Variants in RANBP3 observed in about 807,000 individuals in gnomAD.
The protein encoded by RANBP3 is RAN binding protein 3.
Under a neutral mutation model 77.3 loss-of-function variants are expected in RANBP3, and 14 were observed. The ratio of observed to expected loss-of-function variants is 0.18; its 90% CI spans 0.12 to 0.28. The LOEUF is 0.28. Among genes scored for constraint, RANBP3 ranks in the 10% least tolerant of loss-of-function variants. The pLI is 1.00. For synonymous variants in RANBP3, 315 were observed against 312.4 expected, an observed-to-expected ratio of 1.01 and a Z score of -0.09; for missense variants, 586 against 752.3, an observed-to-expected ratio of 0.78 and a Z score of 2.59.
At chr19:5,938,821 G>A (rs2058098272) in intron 5 of RANBP3, among the ~76,000 whole-genome samples, 1 of 152,194 alleles carries the variant, frequency 6.6e-6, no homozygotes, top group Non-Finnish European at 1.5e-5. Flanking sequence ...TTACCTTTGG[G>A]ATGGCAGGGT....
At chr19:5,937,273 G>T (rs1307072877) in intron 5 of RANBP3, among the ~76,000 whole-genome samples, 1 of 152,014 alleles carries the variant, frequency 6.6e-6, no homozygotes, top group Non-Finnish European at 1.5e-5. Context: ...ACAGCACCCT[G>T]ATCGAGGAGC....
At chr19:5,969,230 C>A (rs1050168575) in intron 1 of RANBP3, among the ~76,000 whole-genome samples, 1 of 152,134 alleles carries the variant, frequency 6.6e-6, no homozygotes, top group Non-Finnish European at 1.5e-5. Flanking sequence ...CTCTTAGGAC[C>A]CAGTGGCCAT....
At chr19:5,931,305 A>G (rs899042298) in intron 8 of RANBP3, 99 bp downstream of exon 8, 20 of 1,409,176 alleles carry the variant, frequency 1.4e-5, no homozygotes, top group Non-Finnish European at 1.8e-5. Flanking sequence ...TGCTTGGAAC[A>G]GGTGACAGCG....
intron 12 of RANBP3, 124 bp downstream of exon 12, chr19:5,923,688 C>T: frequency 1.4e-6 from 1 of 714,610 alleles, no homozygotes; most frequent in Non-Finnish European, 2.4e-6. Flanking sequence ...AGCTGGTTCA[C>T]ATGTGGTTGT....
Position 5,958,654 on chromosome 19 carries a change from C to T in RANBP3, c.23-681G>A, listed in dbSNP as rs1472996017. 6.6e-6 allele frequency among the ~76,000 whole-genome samples: 1 copy of T among 152,242 alleles called. No homozygotes were observed. Among genetic ancestry groups the T allele is most frequent in the African/African-American group, 2.4e-5 (1 of 41,472 alleles). ...GGGCAGCCAGATCCACAGCCCTGTG[C>T]CACTCAGCCCCGGAGTGGGTGGCAG... On this transcript the variant is annotated intron_variant, in intron 1 of 16. Transcript: ENST00000340578. This position sits in a 1 kb window ranked among gnomAD's most constrained non-coding sequence, Gnocchi z 4.4.
At chr19:5,962,542 G>A (rs35941975) in intron 1 of RANBP3, among the ~76,000 whole-genome samples, 10,437 of 152,216 alleles carry the variant, frequency 0.069, 382 homozygotes, top group Non-Finnish European at 0.084. Context: ...AGGACCCAGG[G>A]AGCCATGGTC....
At chr19:5,954,337 A>C (rs1374517553) in intron 2 of RANBP3, among the ~76,000 whole-genome samples, 1 of 152,162 alleles carries the variant, frequency 6.6e-6, no homozygotes, top group Non-Finnish European at 1.5e-5. Flanking sequence ...GTGACATCTG[A>C]GGGGCAATTA....
At chr19:5,937,657 A>T (rs1342949610) in intron 5 of RANBP3, among the ~76,000 whole-genome samples, 3 of 152,202 alleles carry the variant, frequency 2.0e-5, no homozygotes, top group Non-Finnish European at 4.4e-5. Context: ...GCAGACAAGG[A>T]TGTGAAGTTG....
chr19:5,965,632 G>A (rs2058458493), intron 1 of RANBP3: 2 of 152,238 alleles, frequency 1.3e-5, no homozygotes, highest in African/African-American at 4.8e-5. Context: ...GCAAGGAAAG[G>A]AGAAAGCAAG....
At chr19:5,973,552 G>A (rs1189939916) in intron 1 of RANBP3, among the ~76,000 whole-genome samples, 1 of 152,204 alleles carries the variant, frequency 6.6e-6, no homozygotes, top group African/African-American at 2.4e-5. Context: ...GTAGTGCTCA[G>A]GCTGGGATCC....
chr19:5,974,694 C>A (rs1295069038), intron 1 of RANBP3, among the ~76,000 whole-genome samples: 1 of 152,076 alleles, frequency 6.6e-6, no homozygotes, highest in Non-Finnish European at 1.5e-5. Context: ...GCAGAGGACA[C>A]CTACCCTCTA....
chr19:5,941,571 G>C, intron 5 of RANBP3, 50 bp downstream of exon 5: 3 of 1,487,908 alleles, frequency 2.0e-6, no homozygotes, highest in Non-Finnish European at 2.8e-6. Context: ...GGGAATGGCG[G>C]GTTTGTAAGC....
chr19:5,951,858 C>T (rs886188467), intron 2 of RANBP3, among the ~76,000 whole-genome samples: 7 of 152,172 alleles, frequency 4.6e-5, no homozygotes, highest in Non-Finnish European at 7.4e-5. Flanking sequence ...GCAGGACCCT[C>T]GTTTCCAAAA....
chr19:5,978,019 G>A (rs778968115), intron 1 of RANBP3, 42 bp downstream of exon 1: 3 of 1,606,470 alleles, frequency 1.9e-6, no homozygotes, highest in Non-Finnish European at 2.5e-6. Flanking sequence ...CCCGCCGCCC[G>A]TTCCCCGGCC....
chr19:5,943,912 G>A (rs897109281), intron 3 of RANBP3, among the ~76,000 whole-genome samples: 1 of 152,192 alleles, frequency 6.6e-6, no homozygotes, highest in Non-Finnish European at 1.5e-5. Flanking sequence ...ACCAACTCCG[G>A]CCAGGCCAAA....
intron 3 of RANBP3, among the ~76,000 whole-genome samples, chr19:5,943,105 AT>A (rs2058160275): frequency 6.6e-6 from 1 of 152,216 alleles, no homozygotes; most frequent in Non-Finnish European, 1.5e-5. Context: ...CTGTCTCAGA[AT>A]TTAGCAGCCC....
In RANBP3 at chr19:5,958,102, CTT is replaced by C; in HGVS notation, c.23-131_23-130del. 4 of 833,630 alleles carry C rather than the reference CTT, an allele frequency of 4.8e-6. No individual in the cohort carries two copies. Among genetic ancestry groups the C allele is most frequent in the Non-Finnish European group, 7.6e-6 (4 of 528,812 alleles). 51.6% of individuals were successfully genotyped at this position (833,630 alleles called of 1,614,324 possible). A position where few individuals can be genotyped will look rare whatever the true frequency, so the allele number is the denominator to read the frequency against. ...AGTAACTCCAGAGAACATCAAATCACTTAGAACAGCGTCTTGACTCGGATGCC... is the reference window on the plus strand; with the variant it reads ...AGTAACTCCAGAGAACATCAAATCACAGAACAGCGTCTTGACTCGGATGCC... On this transcript the variant is annotated intron_variant, in intron 1 of 16. Transcript: ENST00000340578. The surrounding 1 kb of genome is among the most constrained non-coding windows in gnomAD (Gnocchi z 4.4).
At chr19:5,946,211 G>C (rs2058202831) in intron 3 of RANBP3, among the ~76,000 whole-genome samples, 1 of 152,134 alleles carries the variant, frequency 6.6e-6, no homozygotes, top group Non-Finnish European at 1.5e-5. Context: ...TATCACATAG[G>C]GAAATGATCT....
Position 5,951,576 on chromosome 19 carries a change from GTTTTTTT to G in RANBP3, c.92_98del (p.Gln31ProfsTer31). On this transcript the variant is annotated frameshift_variant, in exon 3 of 17. Transcript: ENST00000340578. LOFTEE classifies it high-confidence loss of function. ...GAGGCTCCTCTCCCGAATCCGACAA[GTTTTTTT>G]GCTCTGCAGGGGACTGGGAGCAAAA... is the stretch of plus-strand genomic sequence containing the variant. 6.2e-7 allele frequency: 1 copy of G among 1,613,710 alleles called. No homozygotes were observed.
Sources: gnomAD v4.1 joint callset for allele counts (sites outside exome capture counted in the v4.1 genomes callset) on GRCh38, gnomAD v4.1.1 for gene constraint, Gnocchi (gnomAD v3.1) non-coding constraint, MANE v1.5 for transcripts, NCBI Gene and HGNC (gene_info 2026-07-23, HGNC 2026-07-21) for gene names.